The following MACROD2 variants were observed in gnomAD, a reference collection of about 807,000 sequenced individuals.
The protein encoded by MACROD2 is ADP-ribose glycohydrolase MACROD2.
MACROD2 carries 36 observed loss-of-function variants against 70.4 expected under a neutral mutation model. The ratio of observed to expected loss-of-function variants is 0.51; its 90% CI spans 0.39 to 0.68. The LOEUF (loss-of-function observed/expected upper bound fraction) is 0.68, where lower values mean the gene tolerates loss of function less well. Among genes scored for constraint, MACROD2 ranks in the 30% least tolerant of loss-of-function variants. The probability of loss-of-function intolerance (pLI) is 0.00; values close to 1 mark genes in which losing one functional copy is unlikely to be tolerated. For synonymous variants in MACROD2, 172 were observed against 178.8 expected, an observed-to-expected ratio of 0.96 and a Z score of 0.30; for missense variants, 496 against 538.4, an observed-to-expected ratio of 0.92 and a Z score of 0.78.
At chr20:15,140,297 C>A (rs897608934) in intron 5 of MACROD2, among the ~76,000 whole-genome samples, 4 of 151,384 alleles carry the variant, frequency 2.6e-5, no homozygotes, top group African/African-American at 7.3e-5. Flanking sequence ...CTTGCTGCTT[C>A]AACGGAGAGA....
intron 9 of MACROD2, among the ~76,000 whole-genome samples, chr20:15,874,845 G>A (rs188051429): frequency 3.9e-4 from 60 of 152,326 alleles, no homozygotes; most frequent in African/African-American, 1.4e-3. Flanking sequence ...TGGTGGTGGA[G>A]TTAGGGTTGC....
intron 5 of MACROD2, among the ~76,000 whole-genome samples, chr20:15,180,565 G>A (rs2076493385): frequency 6.6e-6 from 1 of 152,214 alleles, no homozygotes; most frequent in Non-Finnish European, 1.5e-5. Context: ...GCACGATCAT[G>A]TCACTGGGCC....
intron 6 of MACROD2, among the ~76,000 whole-genome samples, chr20:15,298,357 G>T (rs1293956225): frequency 6.6e-6 from 1 of 152,192 alleles, no homozygotes; most frequent in Admixed American, 6.5e-5. Flanking sequence ...AGCAATTCCA[G>T]CCGCTGGCTG....
intron 6 of MACROD2, among the ~76,000 whole-genome samples, chr20:15,291,184 T>G (rs2077537904): frequency 6.6e-6 from 1 of 152,206 alleles, no homozygotes; most frequent in Non-Finnish European, 1.5e-5. Flanking sequence ...ATTTCTGATT[T>G]AAAGACAAAT....
chr20:15,772,444 T>C (rs1429962326), intron 8 of MACROD2, among the ~76,000 whole-genome samples: 2 of 152,062 alleles, frequency 1.3e-5, no homozygotes, highest in Non-Finnish European at 2.9e-5. Flanking sequence ...CATTTAACTC[T>C]TTCTCAACTG....
At chr20:14,356,126 T>C (rs1390686540) in intron 3 of MACROD2, among the ~76,000 whole-genome samples, 8 of 152,204 alleles carry the variant, frequency 5.3e-5, no homozygotes, top group Non-Finnish European at 1.2e-4. Context: ...ACTTGTGAGC[T>C]GAATTAAGTT....
chr20:15,645,144 G>A (rs1452707669), intron 8 of MACROD2, among the ~76,000 whole-genome samples: 5 of 152,176 alleles, frequency 3.3e-5, no homozygotes, highest in Admixed American at 2.6e-4. Context: ...TGAGCTGAAG[G>A]GGAATGATGT....
intron 4 of MACROD2, among the ~76,000 whole-genome samples, chr20:14,576,566 A>G (rs1383859435): frequency 6.6e-6 from 1 of 152,156 alleles, no homozygotes; most frequent in Non-Finnish European, 1.5e-5. Flanking sequence ...CAAAATATGG[A>G]GGTCCCAAGT....
At chr20:15,611,241 A>G (rs780774488) in intron 8 of MACROD2, among the ~76,000 whole-genome samples, 5 of 151,892 alleles carry the variant, frequency 3.3e-5, no homozygotes, top group Non-Finnish European at 7.4e-5. Flanking sequence ...GCAATGCTTC[A>G]TTTTACAGGT....
chr20:15,748,455 A>G (rs540138477), intron 8 of MACROD2, among the ~76,000 whole-genome samples: 1 of 149,714 alleles, frequency 6.7e-6, no homozygotes, highest in South Asian at 2.1e-4. Flanking sequence ...CTTCTCTATT[A>G]TCCCCTCGGA....
intron 8 of MACROD2, among the ~76,000 whole-genome samples, chr20:15,511,540 A>C (rs775648689): frequency 8.5e-5 from 13 of 152,230 alleles, no homozygotes; most frequent in Non-Finnish European, 1.6e-4. Context: ...AGTTTACAAC[A>C]TAAGGCCTTT....
chr20:14,118,442 A>G (rs2054541223), intron 3 of MACROD2, among the ~76,000 whole-genome samples: 1 of 152,226 alleles, frequency 6.6e-6, no homozygotes, highest in Non-Finnish European at 1.5e-5. Flanking sequence ...CTCCATTGCT[A>G]CTTAGCTGAG....
intron 3 of MACROD2, among the ~76,000 whole-genome samples, chr20:14,463,711 A>G (rs2123024606): frequency 6.6e-6 from 1 of 152,226 alleles, no homozygotes; most frequent in East Asian, 1.9e-4. Context: ...ATGTCCCATC[A>G]ATACCTAATT....
At chr20:15,324,237 AT>A (rs2077903598) in intron 6 of MACROD2, among the ~76,000 whole-genome samples, 2 of 152,074 alleles carry the variant, frequency 1.3e-5, no homozygotes, top group Non-Finnish European at 2.9e-5. Context: ...GGCAAGTACA[AT>A]TTTCACATAC....
intron 4 of MACROD2, among the ~76,000 whole-genome samples, chr20:14,550,016 C>T (rs1366526269): frequency 1.3e-5 from 2 of 151,800 alleles, no homozygotes; most frequent in African/African-American, 4.8e-5. Flanking sequence ...GCAACCTCCA[C>T]CTCCCAGGTT....
At chr20:14,651,296 A>G (rs1188201076) in intron 4 of MACROD2, among the ~76,000 whole-genome samples, 1 of 152,124 alleles carries the variant, frequency 6.6e-6, no homozygotes, top group Non-Finnish European at 1.5e-5. Flanking sequence ...AAAGGAGTTC[A>G]ACAGGTCAAG....
chr20:15,106,299 T>G (rs1274373276), intron 5 of MACROD2, among the ~76,000 whole-genome samples: 1 of 152,176 alleles, frequency 6.6e-6, no homozygotes, highest in Non-Finnish European at 1.5e-5. Flanking sequence ...GCATCAATTT[T>G]AAGATGTAGG....
At chr20:14,062,193 T>C (rs908297590) in intron 2 of MACROD2, among the ~76,000 whole-genome samples, 27 of 152,180 alleles carry the variant, frequency 1.8e-4, no homozygotes, top group African/African-American at 5.8e-4. Context: ...AAGTGTCCTT[T>C]GTTTTAGCTT....
rs1009857153 is a variant in MACROD2, at chr20:15,956,252, T to G, written c.908-11301T>G. Among the ~76,000 whole-genome samples the G allele has an allele frequency of 3.3e-5, 5 of 152,208 alleles. No individual in the cohort carries two copies. In the South Asian group the frequency reaches 1.0e-3, roughly 32 times the overall value. On this transcript the variant is annotated intron_variant, in intron 12 of 17. Coordinates refer to ENST00000684519, the MANE Select transcript of MACROD2 (RefSeq NM_001351661.2). ...TTCTTGCCTGCAGAGTTTGATGCAATCAGTAATGATATGACCTGAGCCTTT... is the reference window on the plus strand; with the variant it reads ...TTCTTGCCTGCAGAGTTTGATGCAAGCAGTAATGATATGACCTGAGCCTTT...
Sources: gnomAD v4.1 joint callset for allele counts (sites outside exome capture counted in the v4.1 genomes callset) on GRCh38, gnomAD v4.1.1 for gene constraint, MANE v1.5 for transcripts, NCBI Gene and HGNC (gene_info 2026-07-23, HGNC 2026-07-21) for gene names.